Variants in OLA1 observed in about 807,000 individuals in gnomAD.
OLA1 encodes obg-like ATPase 1.
OLA1 carries 14 observed loss-of-function variants against 48.4 expected under a neutral mutation model. The observed-to-expected ratio is 0.29, with a 90% CI of 0.19 to 0.45. The LOEUF (loss-of-function observed/expected upper bound fraction) is 0.45, where lower values mean the gene tolerates loss of function less well. Among genes scored for constraint, OLA1 ranks in the 20% least tolerant of loss-of-function variants. The pLI is 1.00. For synonymous variants in OLA1, 127 were observed against 150.4 expected (o/e 0.84, Z 1.14); for missense variants, 325 against 467.1 (o/e 0.70, Z 2.80).
intron 7 of OLA1, among the ~76,000 whole-genome samples, chr2:174,089,865 G>A (rs933729915): frequency 1.4e-5 from 2 of 141,654 alleles, no homozygotes; most frequent in African/African-American, 5.4e-5. Context: ...TCATGCTACC[G>A]CACTCTAGCC....
intron 4 of OLA1, among the ~76,000 whole-genome samples, chr2:174,143,693 T>C (rs1168811113): frequency 1.3e-5 from 2 of 152,192 alleles, no homozygotes; most frequent in Non-Finnish European, 2.9e-5. Flanking sequence ...ACTTAGTAAC[T>C]GCAATTCTTC....
chr2:174,174,634 T>C (rs897405293), intron 4 of OLA1, among the ~76,000 whole-genome samples: 1 of 152,074 alleles, frequency 6.6e-6, no homozygotes, highest in Admixed American at 6.5e-5. Context: ...TTGTATTCTG[T>C]AACCTATAAA....
At chr2:174,125,947 TCTC>T (rs1350468810) in intron 5 of OLA1, among the ~76,000 whole-genome samples, 1 of 152,158 alleles carries the variant, frequency 6.6e-6, no homozygotes, top group Non-Finnish European at 1.5e-5. Context: ...TACTCAGTGC[TCTC>T]TTAATTATTC....
Position 174,197,884 on chromosome 2 carries a change from A to C in OLA1, c.373+25149T>G, listed in dbSNP as rs554321807. On this transcript the variant is annotated intron_variant, in intron 4 of 10. Coordinates refer to ENST00000284719, the MANE Select transcript of OLA1 (RefSeq NM_013341.5). ...TATAGCCAAATATTAATTTGTAAGC[A>C]AGGGGTTCAAAACATACAATAGCTA... Among the ~76,000 whole-genome samples the C allele has an allele frequency of 1.3e-3, 196 of 152,268 alleles. 1 individual carries two copies. The highest frequency in any genetic ancestry group is 1.8e-3 in the Non-Finnish European group (124 of 68,044).
chr2:174,177,041 C>G (rs1574530240), intron 4 of OLA1, among the ~76,000 whole-genome samples: 1 of 152,094 alleles, frequency 6.6e-6, no homozygotes, highest in African/African-American at 2.4e-5. Flanking sequence ...TACACAGGCA[C>G]CAGCAATTTC....
intron 7 of OLA1, among the ~76,000 whole-genome samples, chr2:174,109,587 GA>G (rs1166952696): frequency 6.6e-6 from 1 of 152,144 alleles, no homozygotes; most frequent in Non-Finnish European, 1.5e-5. Context: ...TTGAATACGG[GA>G]AAGGAAACAA....
At chr2:174,173,959 G>A (rs1200299776) in intron 4 of OLA1, among the ~76,000 whole-genome samples, 2 of 145,626 alleles carry the variant, frequency 1.4e-5, no homozygotes, top group Non-Finnish European at 1.5e-5. Flanking sequence ...TAGAAAACAC[G>A]AATAGTCCTA....
chr2:174,219,134 T>C (rs1262625841), intron 4 of OLA1, among the ~76,000 whole-genome samples: 3 of 152,110 alleles, frequency 2.0e-5, no homozygotes, highest in East Asian at 3.9e-4. Flanking sequence ...ATACATGTTG[T>C]GTGTGAAAGA....
chr2:174,193,403 T>C (rs1162790290), intron 4 of OLA1, among the ~76,000 whole-genome samples: 1 of 152,218 alleles, frequency 6.6e-6, no homozygotes, highest in East Asian at 1.9e-4. Context: ...TAAGGCTAGT[T>C]TCAATGATTG....
rs538346106 is a variant in OLA1, at chr2:174,150,247, G to A, written c.374-8247C>T. The stretch of plus-strand genomic sequence containing the variant: ...GGGTGGGCTACTTATCACCAGAGTG[G>A]GTTTGTTATAAAAAGTTCGGCCATC... On this transcript the variant is annotated intron_variant, in intron 4 of 10. Transcript: ENST00000284719. 5.3e-5 allele frequency among the ~76,000 whole-genome samples: 8 copies of A among 152,142 alleles called. No individual in the cohort carries two copies. The South Asian group carries it at 8.3e-4, about 16-fold the overall frequency.
intron 7 of OLA1, among the ~76,000 whole-genome samples, chr2:174,122,895 G>A (rs1347066750): frequency 6.6e-6 from 1 of 151,890 alleles, no homozygotes; most frequent in African/African-American, 2.4e-5. Flanking sequence ...TTCTCATTTT[G>A]CAATGGAAAT....
intron 5 of OLA1, among the ~76,000 whole-genome samples, chr2:174,140,355 TTTTC>T (rs1384763753): frequency 2.6e-5 from 4 of 151,442 alleles, no homozygotes; most frequent in Admixed American, 2.0e-4. Flanking sequence ...ATCCCTTTTC[TTTTC>T]TTTTTCTTTC....
chr2:174,246,906 T>A, intron 1 of OLA1, 91 bp from the exon 2 acceptor site: 1 of 724,804 alleles, frequency 1.4e-6, no homozygotes, highest in Non-Finnish European at 2.3e-6. Context: ...ATTATTGAAT[T>A]AAGATTAAGA....
At chr2:174,170,636 C>T (rs575828284) in intron 4 of OLA1, among the ~76,000 whole-genome samples, 1 of 152,310 alleles carries the variant, frequency 6.6e-6, no homozygotes, top group African/African-American at 2.4e-5. Context: ...GTGGCTCACA[C>T]TAGTAATCCC....
chr2:174,225,231 C>G (rs918665178), intron 3 of OLA1, among the ~76,000 whole-genome samples: 3 of 152,140 alleles, frequency 2.0e-5, no homozygotes, highest in Admixed American at 2.0e-4. Context: ...CACACCCACT[C>G]CCCTTTTCAT....
chr2:174,137,457 A>G (rs1686336495), intron 5 of OLA1, among the ~76,000 whole-genome samples: 1 of 152,352 alleles, frequency 6.6e-6, no homozygotes, highest in Non-Finnish European at 1.5e-5. Flanking sequence ...CAACCGCATT[A>G]GCCCTTAACA....
intron 7 of OLA1, among the ~76,000 whole-genome samples, 166 bp downstream of exon 7, chr2:174,123,014 T>A (rs927544589): frequency 2.6e-5 from 4 of 152,188 alleles, no homozygotes; most frequent in Admixed American, 2.6e-4. Flanking sequence ...AGAAGACTCA[T>A]CTGTGAAGGT....
At chr2:174,079,377 C>T (rs16862333) in intron 9 of OLA1, 60,209 of 227,468 alleles carry the variant, frequency 0.26, 10,636 homozygotes, top group East Asian at 0.89. Flanking sequence ...GGTTTCATTT[C>T]GATTTTCTAT....
intron 4 of OLA1, among the ~76,000 whole-genome samples, chr2:174,148,187 G>C (rs1480568622): frequency 6.6e-6 from 1 of 152,178 alleles, no homozygotes; most frequent in East Asian, 1.9e-4. Context: ...AGGAGTTCTA[G>C]ACCAGCTTGG....
Sources: gnomAD v4.1 joint callset for allele counts (sites outside exome capture counted in the v4.1 genomes callset) on GRCh38, gnomAD v4.1.1 for gene constraint, MANE v1.5 for transcripts, NCBI Gene and HGNC (gene_info 2026-07-23, HGNC 2026-07-21) for gene names.